Variants in ST6GALNAC3 observed in about 807,000 individuals in gnomAD.
ST6GALNAC3 encodes the protein ST6 N-acetylgalactosaminide alpha-2,6-sialyltransferase 3, also known as alpha-N-acetylgalactosaminide alpha-2,6-sialyltransferase 3.
In ST6GALNAC3, 25 loss-of-function variants were observed where a neutral mutation model predicts 32.7. That is an observed-to-expected ratio of 0.76 (90% CI 0.56 to 1.07). The LOEUF (loss-of-function observed/expected upper bound fraction) is 1.07. Among genes scored for constraint, ST6GALNAC3 ranks in the 50% least tolerant of loss-of-function variants. The probability of loss-of-function intolerance (pLI) is 0.00; values close to 1 mark genes in which losing one functional copy is unlikely to be tolerated. For missense variants in ST6GALNAC3, 355 were observed against 382.4 expected, an observed-to-expected ratio of 0.93 and a Z score of 0.60; for synonymous variants, 129 against 133.1, an observed-to-expected ratio of 0.97 and a Z score of 0.21.
intron 2 of ST6GALNAC3, among the ~76,000 whole-genome samples, chr1:76,376,094 C>T (rs1006464207): frequency 1.2e-4 from 16 of 132,200 alleles, no homozygotes; most frequent in African/African-American, 4.2e-4. Flanking sequence ...TCCTCCTTCT[C>T]CCCTAAACCT....
intron 1 of ST6GALNAC3, among the ~76,000 whole-genome samples, chr1:76,272,736 C>A (rs1219069544): frequency 1.3e-5 from 2 of 152,314 alleles, no homozygotes; most frequent in Non-Finnish European, 1.5e-5. Flanking sequence ...CCAGCCACCC[C>A]CAAAGAACAC....
At chr1:76,573,464 C>G (rs1646744727) in intron 3 of ST6GALNAC3, among the ~76,000 whole-genome samples, 1 of 152,036 alleles carries the variant, frequency 6.6e-6, no homozygotes, top group African/African-American at 2.4e-5. Context: ...GGAGCAATCC[C>G]CTGCCCTGAT....
chr1:76,603,656 T>G (rs1374973625), intron 3 of ST6GALNAC3, among the ~76,000 whole-genome samples: 1 of 152,190 alleles, frequency 6.6e-6, no homozygotes, highest in Non-Finnish European at 1.5e-5. Context: ...GACAATGCTC[T>G]GTCTGTTTTA....
intron 3 of ST6GALNAC3, among the ~76,000 whole-genome samples, chr1:76,530,393 T>G (rs566343773): frequency 2.4e-3 from 367 of 152,260 alleles, no homozygotes; most frequent in African/African-American, 8.3e-3. Flanking sequence ...AAAAATAGCC[T>G]TGCCTAGGGG....
At chr1:76,381,168 TAA>T (rs71852050) in intron 2 of ST6GALNAC3, among the ~76,000 whole-genome samples, 24,451 of 89,684 alleles carry the variant, frequency 0.27, 2,529 homozygotes, top group East Asian at 0.61. Context: ...TTTGGGCTGC[TAA>T]AAAAAAAAAA....
chr1:76,213,125 A>G (rs1242960674), intron 1 of ST6GALNAC3, among the ~76,000 whole-genome samples: 1 of 152,232 alleles, frequency 6.6e-6, no homozygotes, highest in Non-Finnish European at 1.5e-5. Flanking sequence ...TCCTGGGCAC[A>G]TAATGGGAAC....
chr1:76,324,046 G>A (rs1647021425), intron 2 of ST6GALNAC3, among the ~76,000 whole-genome samples: 1 of 151,598 alleles, frequency 6.6e-6, no homozygotes, highest in African/African-American at 2.4e-5. Flanking sequence ...TTTTAGTAAA[G>A]ACATGGTTTC....
At chr1:76,394,120 A>G (rs1411941032) in intron 2 of ST6GALNAC3, among the ~76,000 whole-genome samples, 2 of 152,164 alleles carry the variant, frequency 1.3e-5, no homozygotes, top group Non-Finnish European at 2.9e-5. Context: ...CTGCTCTTGG[A>G]TAAGTAATAA....
At chr1:76,148,090 A>G (rs922718431) in intron 1 of ST6GALNAC3, among the ~76,000 whole-genome samples, 1 of 152,162 alleles carries the variant, frequency 6.6e-6, no homozygotes, top group Non-Finnish European at 1.5e-5. Flanking sequence ...CAGTAAATTT[A>G]TAATTAATAG....
chr1:76,418,317 C>T (rs1370248424), intron 3 of ST6GALNAC3, among the ~76,000 whole-genome samples: 1 of 152,096 alleles, frequency 6.6e-6, no homozygotes, highest in Non-Finnish European at 1.5e-5. Flanking sequence ...ATTTGGGAAT[C>T]CTCTTGTAGG....
Position 76,496,431 on chromosome 1 carries a change from T to G in ST6GALNAC3, c.623+84014T>G, listed in dbSNP as rs925770540. Among the ~76,000 whole-genome samples, 13 of 152,268 alleles carry G rather than the reference T, an allele frequency of 8.5e-5. No individual in the cohort carries two copies. The East Asian group carries it at 2.5e-3, about 29-fold the overall frequency. ...GATGGATTCAATGTCATTTTAATCT[T>G]TATTCATTGTTTCAATCTGTTAGAA... On this transcript the variant is annotated intron_variant, in intron 3 of 4. Transcript: ENST00000328299.
intron 3 of ST6GALNAC3, among the ~76,000 whole-genome samples, chr1:76,414,397 A>G (rs533339963): frequency 6.6e-6 from 1 of 152,220 alleles, no homozygotes; most frequent in Admixed American, 6.6e-5. Flanking sequence ...AGAAATGGAC[A>G]GAATGGGTGA....
At chr1:76,256,639 G>A (rs1485688470) in intron 1 of ST6GALNAC3, among the ~76,000 whole-genome samples, 1 of 152,010 alleles carries the variant, frequency 6.6e-6, no homozygotes, top group Non-Finnish European at 1.5e-5. Flanking sequence ...CCAGGGGGGT[G>A]GGGTGGGGTA....
intron 1 of ST6GALNAC3, among the ~76,000 whole-genome samples, chr1:76,140,210 A>C (rs747476312): frequency 2.0e-5 from 3 of 152,216 alleles, no homozygotes; most frequent in Non-Finnish European, 4.4e-5. Flanking sequence ...GTGGAAGTAG[A>C]TATCAAGAAC....
chr1:76,478,760 C>CTTT lies in ST6GALNAC3; in HGVS notation c.623+66361_623+66363dup, dbSNP rs397861238. ...TATTCCTTCCCCTAGTTTATTAATT[C>CTTT]TTTTTTTTTTTTTTTTTTTTGAGAT... On this transcript the variant is annotated intron_variant, in intron 3 of 4. Coordinates refer to ENST00000328299, the MANE Select transcript of ST6GALNAC3 (RefSeq NM_152996.4). 8.0e-4 allele frequency among the ~76,000 whole-genome samples: 87 copies of CTTT among 109,048 alleles called. 1 individual carries two copies. Among genetic ancestry groups the CTTT allele is most frequent in the African/African-American group, 1.5e-3 (40 of 26,946 alleles). The allele number at this position is 109,048 out of a possible 152,430, so 71.5% of individuals were successfully genotyped here. A position where few individuals can be genotyped will look rare whatever the true frequency, so the allele number is the denominator to read the frequency against.
intron 3 of ST6GALNAC3, among the ~76,000 whole-genome samples, chr1:76,603,267 T>C (rs970307910): frequency 6.6e-6 from 1 of 152,176 alleles, no homozygotes; most frequent in African/African-American, 2.4e-5. Flanking sequence ...TGTGTGAATG[T>C]TTACAGAGGT....
At chr1:76,608,509 G>C (rs1408601680) in intron 3 of ST6GALNAC3, among the ~76,000 whole-genome samples, 2 of 152,018 alleles carry the variant, frequency 1.3e-5, no homozygotes, top group African/African-American at 4.8e-5. Context: ...AGGCATGAGG[G>C]CATTTGATAC....
At chr1:76,369,318 G>T (rs1267857849) in intron 2 of ST6GALNAC3, among the ~76,000 whole-genome samples, 2 of 152,152 alleles carry the variant, frequency 1.3e-5, no homozygotes, top group East Asian at 3.9e-4. Context: ...AGAGCAAGCT[G>T]GTACCTTGAC....
intron 1 of ST6GALNAC3, among the ~76,000 whole-genome samples, chr1:76,291,235 G>T (rs1419089579): frequency 6.6e-6 from 1 of 152,220 alleles, no homozygotes; most frequent in African/African-American, 2.4e-5. Flanking sequence ...ATATCGAAAG[G>T]GTTTCTTAAT....
Sources: allele counts gnomAD v4.1 joint callset (sites outside exome capture counted in the v4.1 genomes callset), GRCh38; gene constraint gnomAD v4.1.1; transcripts MANE v1.5; gene names NCBI Gene and HGNC (gene_info 2026-07-23, HGNC 2026-07-21).